Variants in TANGO6 observed in about 807,000 individuals in gnomAD.
TANGO6 encodes the protein transport and golgi organization 6 homolog.
Under a neutral mutation model 114.2 loss-of-function variants are expected in TANGO6, and 90 were observed. That is an observed-to-expected ratio of 0.79 (90% CI 0.66 to 0.94). The LOEUF is 0.94. Ranked by LOEUF, TANGO6 falls within the 40% of genes least tolerant of loss-of-function variation. The pLI is 0.00. For missense variants in TANGO6, 1,274 were observed against 1,315.3 expected, an observed-to-expected ratio of 0.97 and a Z score of 0.49; for synonymous variants, 477 against 509.8, an observed-to-expected ratio of 0.94 and a Z score of 0.87.
At chr16:69,032,750 C>T (rs558136399) in intron 16 of TANGO6, among the ~76,000 whole-genome samples, 14 of 152,026 alleles carry the variant, frequency 9.2e-5, no homozygotes, top group African/African-American at 1.9e-4. Flanking sequence ...TGGTGGCAGG[C>T]GCCTGTAATC....
rs1024063125 is a variant in TANGO6 at position 69,074,855 on chromosome 16, A to AT, written c.3109-8621dup. Among the ~76,000 whole-genome samples the AT allele has an allele frequency of 6.0e-5, 8 of 132,460 alleles. No homozygotes were observed. The South Asian group carries it at 7.2e-4, about 12-fold the overall frequency. The allele number at this position is 132,460 out of a possible 152,430, so 86.9% of individuals were successfully genotyped here. On this transcript the variant is annotated intron_variant, in intron 17 of 17. Coordinates refer to ENST00000261778, the MANE Select transcript of TANGO6 (RefSeq NM_024562.2). Reference sequence around the variant, plus strand: ...GTGTGTGTGTATAATTATTATTATTATTTTTTTTTGGAGGCAGAATCTCGC... The same window carrying AT: ...GTGTGTGTGTATAATTATTATTATTATTTTTTTTTTGGAGGCAGAATCTCGC...
chr16:68,859,280 C>G (rs1373007672), intron 1 of TANGO6, among the ~76,000 whole-genome samples: 1 of 152,202 alleles, frequency 6.6e-6, no homozygotes, highest in African/African-American at 2.4e-5. Flanking sequence ...CAGCGATCCT[C>G]CCACCTCAGC....
intron 17 of TANGO6, among the ~76,000 whole-genome samples, chr16:69,066,889 C>A (rs1395308923): frequency 6.6e-6 from 1 of 152,026 alleles, no homozygotes; most frequent in Non-Finnish European, 1.5e-5. Context: ...CCCGTCTCTA[C>A]AAAAAATTTG....
intron 14 of TANGO6, among the ~76,000 whole-genome samples, chr16:68,932,596 C>A (rs1353467393): frequency 1.3e-5 from 2 of 151,814 alleles, no homozygotes; most frequent in Non-Finnish European, 2.9e-5. Context: ...ACCAGCCTGG[C>A]CAACATGGTG....
chr16:68,928,155 C>T, intron 13 of TANGO6, 72 bp downstream of exon 13: 1 of 1,454,822 alleles, frequency 6.9e-7, no homozygotes, highest in Non-Finnish European at 9.0e-7. Context: ...ATTTTTGGAG[C>T]CTGGACTATG....
intron 15 of TANGO6, among the ~76,000 whole-genome samples, chr16:68,989,372 C>G (rs1164437147): frequency 6.6e-6 from 1 of 151,720 alleles, no homozygotes; most frequent in Non-Finnish European, 1.5e-5. Flanking sequence ...GGTACATGGA[C>G]TCTTTCCTCT....
chr16:68,996,449 G>A (rs1963990097), intron 15 of TANGO6, among the ~76,000 whole-genome samples: 1 of 152,088 alleles, frequency 6.6e-6, no homozygotes, highest in Admixed American at 6.5e-5. Flanking sequence ...ACAGTAGTGA[G>A]GTAGAGTTCT....
chr16:68,978,790 A>G (rs1963789907), intron 15 of TANGO6, among the ~76,000 whole-genome samples: 1 of 151,890 alleles, frequency 6.6e-6, no homozygotes, highest in Non-Finnish European at 1.5e-5. Context: ...TCTCCACATC[A>G]TGCTAGTTCC....
In TANGO6 at chr16:68,843,579, C is replaced by A; in HGVS notation, c.-39C>A. 1 of 1,597,774 alleles carries A rather than the reference C, an allele frequency of 6.3e-7. No individual in the cohort carries two copies. The highest frequency in any genetic ancestry group is 1.7e-4 in the Middle Eastern group (1 of 5,948). ...TGGCGGCGGCGGCGCCCTGCCGAGG[C>A]GCCTGAGCGGGTCGCGAGCGTGGTG... On this transcript the variant is annotated 5_prime_UTR_variant, in exon 1 of 18. Transcript: ENST00000261778.
At chr16:69,015,729 C>G (rs2152225696) in intron 15 of TANGO6, among the ~76,000 whole-genome samples, 1 of 152,222 alleles carries the variant, frequency 6.6e-6, no homozygotes. Flanking sequence ...GATCCGCCCC[C>G]TCTGCTTCCC....
intron 17 of TANGO6, among the ~76,000 whole-genome samples, chr16:69,068,875 A>C (rs1382755537): frequency 6.6e-6 from 1 of 151,976 alleles, no homozygotes; most frequent in Non-Finnish European, 1.5e-5. Context: ...CACCACGCCC[A>C]GGTAATTTTT....
At chr16:68,860,829 C>G (rs1941944323) in intron 2 of TANGO6, among the ~76,000 whole-genome samples, 2 of 152,210 alleles carry the variant, frequency 1.3e-5, no homozygotes, top group South Asian at 4.2e-4. Context: ...TAATACCTGC[C>G]TCGGAAGGTG....
At chr16:69,040,262 G>A in intron 16 of TANGO6, 46 bp from the exon 17 acceptor site, 1 of 1,494,794 alleles carries the variant, frequency 6.7e-7, no homozygotes, top group Admixed American at 1.9e-5. Context: ...ATAGGTAATT[G>A]TGCAACTCTG....
rs770332921 is a variant in TANGO6, at chr16:69,063,643, C to CAAAAAAAAA, written c.3109-19823_3109-19815dup. ...AAAGGCTGCGGTGAGACTCCATCTC[C>CAAAAAAAAA]AAAAAAAAAAAAAAAAAAAAAAAAA... On this transcript the variant is annotated intron_variant, in intron 17 of 17. Transcript: ENST00000261778. Among the ~76,000 whole-genome samples the CAAAAAAAAA allele has an allele frequency of 3.4e-4, 12 of 35,784 alleles. 1 individual carries two copies. The highest frequency in any genetic ancestry group is 5.5e-4 in the Non-Finnish European group (10 of 18,246). The allele number at this position is 35,784 out of a possible 152,430, so 23.5% of individuals were successfully genotyped here.
intron 4 of TANGO6, among the ~76,000 whole-genome samples, chr16:68,870,745 T>G (rs1427578812): frequency 6.6e-6 from 1 of 152,168 alleles, no homozygotes; most frequent in Non-Finnish European, 1.5e-5. Context: ...GCAAACTTCC[T>G]TCTGCCTGAA....
chr16:68,915,441 A>T (rs1310827037), intron 11 of TANGO6, among the ~76,000 whole-genome samples: 2 of 151,706 alleles, frequency 1.3e-5, no homozygotes, highest in Non-Finnish European at 2.9e-5. Flanking sequence ...TAATTTTTTA[A>T]TTTTTTCTAG....
chr16:69,017,873 A>G (rs976043785), intron 15 of TANGO6, among the ~76,000 whole-genome samples: 4 of 152,080 alleles, frequency 2.6e-5, no homozygotes, highest in Admixed American at 1.3e-4. Context: ...CAAAGGTAGA[A>G]AAGTATATTT....
intron 12 of TANGO6, among the ~76,000 whole-genome samples, chr16:68,925,984 T>A (rs1217265451): frequency 6.6e-6 from 1 of 151,384 alleles, no homozygotes; most frequent in Non-Finnish European, 1.5e-5. Flanking sequence ...TCTATTTATC[T>A]GGGTCTATTT....
Position 68,860,378 on chromosome 16 carries a change from A to C in TANGO6, c.589A>C (p.Thr197Pro). Residue 197 changes from threonine (T) to proline (P), a missense_variant, in exon 2 of 18, where the codon ACC becomes CCC. This residue lies in a region of TANGO6 where 908 missense variants were observed against 910.2 expected (regional missense o/e 1.00). Transcript: ENST00000261778. ...AAPDATRRLY[T>P]SCKALLNVAQ... ...CCCCGATGCAACTCGAAGACTGTAC[A>C]CCAGCTGCAAGGCCCTTCTGAATGT... 6.2e-7 allele frequency: 1 copy of C among 1,613,958 alleles called. No homozygotes were observed. Among genetic ancestry groups the C allele is most frequent in the Non-Finnish European group, 8.5e-7 (1 of 1,179,888 alleles).
Sources: gnomAD v4.1 joint callset for allele counts (sites outside exome capture counted in the v4.1 genomes callset) on GRCh38, gnomAD v4.1.1 for gene constraint, gnomAD v4.1.1 regional missense constraint, MANE v1.5 for transcripts, NCBI Gene and HGNC (gene_info 2026-07-23, HGNC 2026-07-21) for gene names.